TTC28: variants seen among roughly 807,000 people sequenced by gnomAD.
TTC28 encodes tetratricopeptide repeat protein 28.
TTC28 carries 61 observed loss-of-function variants against 198.0 expected under a neutral mutation model. The ratio of observed to expected loss-of-function variants is 0.31; its 90% CI spans 0.25 to 0.38. The LOEUF is 0.38. Ranked by LOEUF, TTC28 falls within the 10% of genes least tolerant of loss-of-function variation. The pLI, the probability that TTC28 is intolerant of heterozygous loss-of-function variation, is 1.00. For synonymous variants in TTC28, 1,171 were observed against 1,297.8 expected (o/e 0.90, Z 2.10); for missense variants, 2,678 against 3,164.0 (o/e 0.85, Z 3.69).
chr22:28,429,233 C>T (rs867498584), intron 2 of TTC28, among the ~76,000 whole-genome samples: 6 of 152,182 alleles, frequency 3.9e-5, no homozygotes, highest in Admixed American at 1.3e-4. Context: ...TCACTTGCAG[C>T]TTTTGTATCT....
intron 2 of TTC28, among the ~76,000 whole-genome samples, chr22:28,528,103 G>A (rs967414881): frequency 1.3e-5 from 2 of 152,108 alleles, no homozygotes; most frequent in African/African-American, 2.4e-5. Context: ...GAAATTTGGG[G>A]GGCACATTCA....
At chr22:28,389,143 T>C (rs1253842463) in intron 2 of TTC28, among the ~76,000 whole-genome samples, 1 of 152,238 alleles carries the variant, frequency 6.6e-6, no homozygotes, top group Non-Finnish European at 1.5e-5. Context: ...CTGGATTACA[T>C]TTATTGATTT....
chr22:28,522,551 G>C (rs1441006845), intron 2 of TTC28, among the ~76,000 whole-genome samples: 1 of 149,368 alleles, frequency 6.7e-6, no homozygotes, highest in Non-Finnish European at 1.5e-5. Context: ...TTGCAGTAGA[G>C]GATTAAAATT....
chr22:28,406,413 G>A (rs574453488), intron 2 of TTC28, among the ~76,000 whole-genome samples: 16 of 152,236 alleles, frequency 1.1e-4, no homozygotes, highest in Admixed American at 3.3e-4. Flanking sequence ...GACTTAACAC[G>A]GCAAATGTTT....
At chr22:28,105,168 C>A in intron 8 of TTC28, 111 bp downstream of exon 8, 1 of 1,175,628 alleles carries the variant, frequency 8.5e-7, no homozygotes, top group African/African-American at 1.5e-5. Flanking sequence ...GACCCTTACT[C>A]CACACAGAGG....
chr22:28,524,783 T>C (rs992337607), intron 2 of TTC28, among the ~76,000 whole-genome samples: 6 of 152,198 alleles, frequency 3.9e-5, no homozygotes, highest in African/African-American at 1.2e-4. Context: ...AAATGCACAG[T>C]AAAACAGGCA....
chr22:28,553,150 C>T (rs1053104966), intron 2 of TTC28, among the ~76,000 whole-genome samples: 1 of 152,200 alleles, frequency 6.6e-6, no homozygotes. Context: ...CCTCTACCTC[C>T]CAGCCGCCTG....
At chr22:28,422,546 C>A (rs955065719) in intron 2 of TTC28, among the ~76,000 whole-genome samples, 8 of 151,836 alleles carry the variant, frequency 5.3e-5, no homozygotes, top group Admixed American at 5.2e-4. Flanking sequence ...TCACGCCATT[C>A]TCCTGCCTCA....
chr22:28,317,221 G>T (rs776592693), intron 2 of TTC28, among the ~76,000 whole-genome samples: 14 of 152,198 alleles, frequency 9.2e-5, no homozygotes, highest in Non-Finnish European at 1.8e-4. Flanking sequence ...TAAAATCTTT[G>T]TGTGATAATT....
chr22:28,192,130 C>T (rs1924864288), intron 5 of TTC28, among the ~76,000 whole-genome samples: 1 of 152,184 alleles, frequency 6.6e-6, no homozygotes, highest in Non-Finnish European at 1.5e-5. Context: ...TTGCTGTTCA[C>T]CAATAACCGC....
chr22:28,450,290 C>T (rs1382279966), intron 2 of TTC28, among the ~76,000 whole-genome samples: 2 of 152,132 alleles, frequency 1.3e-5, no homozygotes, highest in Admixed American at 6.5e-5. Context: ...CAATACCATA[C>T]TTCTAAACAC....
intron 12 of TTC28, among the ~76,000 whole-genome samples, chr22:28,037,525 A>C (rs1939414468): frequency 1.3e-5 from 2 of 152,212 alleles, no homozygotes. Flanking sequence ...TCTCAAAATA[A>C]TAAGAGCTAT....
chr22:28,531,117 C>T (rs34378746), intron 2 of TTC28, among the ~76,000 whole-genome samples: 26,508 of 151,932 alleles, frequency 0.17, 2,717 homozygotes, highest in Non-Finnish European at 0.23. Flanking sequence ...GACTGGCAAA[C>T]TGGATGAAGA....
intron 5 of TTC28, among the ~76,000 whole-genome samples, chr22:28,237,225 C>T (rs1043106184): frequency 2.0e-5 from 3 of 152,102 alleles, no homozygotes; most frequent in Admixed American, 2.0e-4. Flanking sequence ...CTCCACAGCC[C>T]TCTTCAACTG....
At chr22:28,079,154 C>T (rs1941257148) in intron 12 of TTC28, among the ~76,000 whole-genome samples, 1 of 152,012 alleles carries the variant, frequency 6.6e-6, no homozygotes, top group Admixed American at 6.6e-5. Context: ...GGTAGGAGGG[C>T]AAGGAAACAG....
chr22:28,077,901 C>T (rs56393679), intron 12 of TTC28, among the ~76,000 whole-genome samples: 10,463 of 152,236 alleles, frequency 0.069, 403 homozygotes, highest in South Asian at 0.089. Context: ...CAAAGCCCTA[C>T]CCAGTCTTAG....
intron 2 of TTC28, among the ~76,000 whole-genome samples, chr22:28,394,806 CG>C (rs1446658472): frequency 6.6e-5 from 10 of 152,126 alleles, no homozygotes; most frequent in Admixed American, 1.3e-4. Flanking sequence ...ATTTCAATAA[CG>C]TATGAATTTC....
intron 5 of TTC28, among the ~76,000 whole-genome samples, chr22:28,182,525 C>A (rs925181452): frequency 4.6e-5 from 7 of 152,086 alleles, no homozygotes; most frequent in African/African-American, 1.2e-4. Flanking sequence ...AACAAGAAAT[C>A]TTTAAATTGG....
intron 2 of TTC28, among the ~76,000 whole-genome samples, chr22:28,329,485 T>C (rs113721512): frequency 0.014 from 2,197 of 152,272 alleles, 20 homozygotes; most frequent in Non-Finnish European, 0.022. Context: ...CTAATATAGC[T>C]TTCCCCGATG....
Sources: allele counts gnomAD v4.1 joint callset (sites outside exome capture counted in the v4.1 genomes callset), GRCh38; gene constraint gnomAD v4.1.1; transcripts MANE v1.5; gene names NCBI Gene and HGNC (gene_info 2026-07-23, HGNC 2026-07-21).